SUMF1: variants seen among roughly 807,000 people sequenced by gnomAD.
SUMF1 encodes the protein sulfatase modifying factor 1.
In SUMF1, 48 loss-of-function variants were observed where a neutral mutation model predicts 47.6. That is an observed-to-expected ratio of 1.01 (90% CI 0.80 to 1.28). The LOEUF (loss-of-function observed/expected upper bound fraction) is 1.28. Ranked by LOEUF, SUMF1 falls within the 50% of genes most tolerant of loss-of-function variation. SUMF1 has a pLI of 0.00. For missense variants in SUMF1, 571 were observed against 485.4 expected (o/e 1.18, Z -1.66); for synonymous variants, 230 against 192.1 (o/e 1.20, Z -1.63).
At chr3:4,220,395 A>G (rs1696034489) in intron 8 of SUMF1, among the ~76,000 whole-genome samples, 2 of 152,144 alleles carry the variant, frequency 1.3e-5, no homozygotes, top group Non-Finnish European at 2.9e-5. Context: ...ATTCCTTTCT[A>G]AAACTACAAC....
chr3:4,219,665 T>A (rs1273132184), intron 8 of SUMF1, among the ~76,000 whole-genome samples: 2 of 152,174 alleles, frequency 1.3e-5, no homozygotes, highest in Non-Finnish European at 2.9e-5. Flanking sequence ...CCTAACAAGC[T>A]GGAATTTACC....
chr3:4,435,254 A>G (rs929232286), intron 3 of SUMF1, among the ~76,000 whole-genome samples: 1 of 152,208 alleles, frequency 6.6e-6, no homozygotes, highest in Non-Finnish European at 1.5e-5. Flanking sequence ...TATTACAATC[A>G]TCGGCTATGA....
Position 4,425,061 on chromosome 3 carries a change from T to C in SUMF1, c.520-4915A>G, listed in dbSNP as rs537194116. ...AAAAATGTCTCCAGACATTGCTAAATGTCCTCTGAGGAGAGCAAATTATCT... is the reference window on the plus strand; with the variant it reads ...AAAAATGTCTCCAGACATTGCTAAACGTCCTCTGAGGAGAGCAAATTATCT... On this transcript the variant is annotated intron_variant, in intron 3 of 8. Coordinates refer to ENST00000272902, the MANE Select transcript of SUMF1 (RefSeq NM_182760.4). Among the ~76,000 whole-genome samples the C allele has an allele frequency of 5.8e-4, 88 of 152,324 alleles. 1 individual carries two copies. In the South Asian group the frequency reaches 0.012, roughly 22 times the overall value.
chr3:4,358,421 G>A (rs1228537544), downstream of SUMF1, among the ~76,000 whole-genome samples: 1 of 152,110 alleles, frequency 6.6e-6, no homozygotes, highest in East Asian at 1.9e-4. Context: ...TCGACCAAAC[G>A]GTCTGCTCGG....
chr3:4,236,255 TG>T (rs1266933372), intron 8 of SUMF1, among the ~76,000 whole-genome samples: 1 of 152,030 alleles, frequency 6.6e-6, no homozygotes, highest in Non-Finnish European at 1.5e-5. Context: ...TAACAGAAAT[TG>T]GCAAGGGATA....
At chr3:4,457,058 G>GTGTATATATATATATACGTGTGTGTA (rs1288624965) in intron 1 of SUMF1, among the ~76,000 whole-genome samples, 1 of 86,048 alleles carries the variant, frequency 1.2e-5, no homozygotes, top group African/African-American at 3.3e-5. Flanking sequence ...ATACGTGTGT[G>GTGTATATATATATATACGTGTGTGTA]TATATATATA....
intron 8 of SUMF1, among the ~76,000 whole-genome samples, chr3:4,344,946 C>T (rs941400595): frequency 2.6e-5 from 4 of 151,844 alleles, no homozygotes; most frequent in African/African-American, 4.8e-5. Flanking sequence ...ATTCGAAGAC[C>T]ACCTTACTGA....
intron 8 of SUMF1, among the ~76,000 whole-genome samples, chr3:4,371,523 C>G (rs1409945692): frequency 6.6e-6 from 1 of 152,192 alleles, no homozygotes; most frequent in Non-Finnish European, 1.5e-5. Flanking sequence ...GAGAATGCCA[C>G]AACAGAACAG....
intron 8 of SUMF1, among the ~76,000 whole-genome samples, chr3:4,133,625 A>C (rs554920648): frequency 6.6e-6 from 1 of 152,060 alleles, no homozygotes; most frequent in African/African-American, 2.4e-5. Context: ...GAAAAGAGAG[A>C]CTGGCCTAGC....
intron 8 of SUMF1, among the ~76,000 whole-genome samples, chr3:4,245,122 C>G (rs537019137): frequency 3.3e-5 from 5 of 152,156 alleles, no homozygotes; most frequent in Non-Finnish European, 5.9e-5. Flanking sequence ...ACTGGTTATT[C>G]TAGCTAGCCA....
At chr3:4,173,454 T>C (rs1694877948) in intron 8 of SUMF1, among the ~76,000 whole-genome samples, 2 of 152,260 alleles carry the variant, frequency 1.3e-5, no homozygotes, top group East Asian at 1.9e-4. Context: ...AGTTCAACCA[T>C]TGTGGAAGAC....
intron 1 of SUMF1, among the ~76,000 whole-genome samples, chr3:4,457,058 G>GTGTATA (rs1288624965): frequency 3.5e-5 from 3 of 86,092 alleles, no homozygotes; most frequent in African/African-American, 6.6e-5. Flanking sequence ...ATACGTGTGT[G>GTGTATA]TATATATATA....
At chr3:4,338,827 G>A (rs193072259) in intron 8 of SUMF1, among the ~76,000 whole-genome samples, 28 of 152,104 alleles carry the variant, frequency 1.8e-4, no homozygotes, top group African/African-American at 6.3e-4. Context: ...TTGGGTCTTT[G>A]AGCCCCTATA....
intron 8 of SUMF1, among the ~76,000 whole-genome samples, chr3:4,260,197 T>C (rs539675555): frequency 1.3e-5 from 2 of 152,264 alleles, no homozygotes; most frequent in African/African-American, 4.8e-5. Context: ...GGCCTGAATA[T>C]GCAAATGCTC....
intron 8 of SUMF1, among the ~76,000 whole-genome samples, chr3:4,271,506 GATAGATA>G (rs1559637635): frequency 6.6e-6 from 1 of 150,686 alleles, no homozygotes; most frequent in Non-Finnish European, 1.5e-5. Flanking sequence ...TAGATAGATA[GATAGATA>G]GATAGATACA....
intron 8 of SUMF1, among the ~76,000 whole-genome samples, chr3:4,286,159 G>A (rs961110434): frequency 1.3e-5 from 2 of 151,932 alleles, no homozygotes; most frequent in African/African-American, 4.8e-5. Flanking sequence ...TATTGTCAGT[G>A]CACTACAATT....
intron 8 of SUMF1, among the ~76,000 whole-genome samples, chr3:4,122,765 G>A (rs1224696339): frequency 2.0e-5 from 3 of 152,138 alleles, no homozygotes; most frequent in Admixed American, 6.6e-5. Context: ...TAGGAGAGAA[G>A]CCAAAAGGTT....
At chr3:4,076,732 G>A (rs1012586076) in intron 8 of SUMF1, among the ~76,000 whole-genome samples, 3 of 152,160 alleles carry the variant, frequency 2.0e-5, no homozygotes, top group Non-Finnish European at 4.4e-5. Context: ...GGGCGTGGTG[G>A]CTCACGCCTG....
chr3:4,131,303 G>A lies in SUMF1; in HGVS notation c.1015-62558C>T, dbSNP rs149536608. On this transcript the variant is annotated intron_variant and NMD_transcript_variant, in intron 8 of 12. Transcript: ENST00000448413. ...ATAAGGAATTGGCTCAAATGCCCAT[G>A]GTCTCCATTTCTGCCACCCTGCCTG... Among the ~76,000 whole-genome samples the A allele has an allele frequency of 7.5e-3, 1,142 of 152,250 alleles. 12 individuals are homozygous for A. The highest frequency in any genetic ancestry group is 0.014 in the Middle Eastern group (4 of 294).
Sources: allele counts gnomAD v4.1 joint callset (sites outside exome capture counted in the v4.1 genomes callset), GRCh38; gene constraint gnomAD v4.1.1; transcripts MANE v1.5; gene names NCBI Gene and HGNC (gene_info 2026-07-23, HGNC 2026-07-21).